Variants in ATXN1 observed in about 807,000 individuals in gnomAD.
ATXN1 encodes ataxin 1, also known as ataxin-1.
In ATXN1, 8 loss-of-function variants were observed where a neutral mutation model predicts 56.4. That is an observed-to-expected ratio of 0.14 (90% confidence interval 0.08 to 0.26). The LOEUF is 0.26. Ranked by LOEUF, ATXN1 falls within the 10% of genes least tolerant of loss-of-function variation. ATXN1 has a pLI of 1.00. For missense variants in ATXN1, 987 were observed against 1,106.5 expected (o/e 0.89, Z 1.53); for synonymous variants, 514 against 494.6 (o/e 1.04, Z -0.52).
intron 7 of ATXN1, among the ~76,000 whole-genome samples, chr6:16,316,312 G>A (rs1479116352): frequency 6.6e-6 from 1 of 152,184 alleles, no homozygotes; most frequent in African/African-American, 2.4e-5. Context: ...AGTCCCTGGT[G>A]CCAAAAGGGA....
At position 16,549,974 on chromosome 6, in the gene ATXN1, A is replaced by G. The variant is rs186947182; in HGVS notation, c.-360-27286T>C. Among the ~76,000 whole-genome samples, 9 of 147,970 alleles carry G rather than the reference A, an allele frequency of 6.1e-5. No individual in the cohort carries two copies. The East Asian group carries it at 1.8e-3, about 30-fold the overall frequency. The stretch of plus-strand genomic sequence containing the variant: ...GGAGTTGAAAAATGAGAACACATGG[A>G]CACAGGAAGGGGAACAACACACACC... On this transcript the variant is annotated intron_variant, in intron 4 of 7. Transcript: ENST00000436367.
intron 3 of ATXN1, among the ~76,000 whole-genome samples, chr6:16,623,706 C>T (rs1021413358): frequency 4.6e-5 from 7 of 152,172 alleles, no homozygotes; most frequent in African/African-American, 1.7e-4. Context: ...CCATTTAGTT[C>T]ATGGCATTTT....
chr6:16,362,398 C>G (rs1761827468), intron 6 of ATXN1, among the ~76,000 whole-genome samples: 1 of 152,154 alleles, frequency 6.6e-6, no homozygotes, highest in South Asian at 2.1e-4. Context: ...GAGAAGTCAC[C>G]TGGGTGTCGG....
At chr6:16,378,442 A>G (rs1453652988) in intron 6 of ATXN1, among the ~76,000 whole-genome samples, 2 of 152,244 alleles carry the variant, frequency 1.3e-5, no homozygotes, top group Non-Finnish European at 2.9e-5. Flanking sequence ...TCCCAGGAGC[A>G]CAGAATATGT....
intron 6 of ATXN1, among the ~76,000 whole-genome samples, chr6:16,445,647 G>A (rs1269621126): frequency 6.4e-4 from 97 of 150,618 alleles, no homozygotes; most frequent in African/African-American, 2.1e-3. Context: ...AGCATTAGGT[G>A]TATCTCCTAA....
chr6:16,396,099 T>C (rs1163253509), intron 6 of ATXN1, among the ~76,000 whole-genome samples: 1 of 150,510 alleles, frequency 6.6e-6, no homozygotes, highest in East Asian at 1.9e-4. Flanking sequence ...GAAGAAGGCA[T>C]TGTTATCATC....
At chr6:16,392,600 A>G (rs909627275) in intron 6 of ATXN1, among the ~76,000 whole-genome samples, 1 of 151,806 alleles carries the variant, frequency 6.6e-6, no homozygotes, top group Admixed American at 6.6e-5. Context: ...GGTTCAAGCG[A>G]TTCTCCTGCC....
chr6:16,564,324 CACTT>C (rs751479037), intron 4 of ATXN1, among the ~76,000 whole-genome samples: 4 of 147,038 alleles, frequency 2.7e-5, no homozygotes, highest in South Asian at 2.1e-4. Flanking sequence ...AAAAAAAAAT[CACTT>C]ACAATCTTAA....
intron 3 of ATXN1, among the ~76,000 whole-genome samples, chr6:16,639,751 T>C (rs1763673380): frequency 2.0e-5 from 3 of 152,268 alleles, no homozygotes; most frequent in Non-Finnish European, 4.4e-5. Flanking sequence ...CTTTTAATTG[T>C]GGCTCATTAA....
At chr6:16,672,375 T>C (rs766308396) in intron 2 of ATXN1, among the ~76,000 whole-genome samples, 1 of 152,248 alleles carries the variant, frequency 6.6e-6, no homozygotes, top group Non-Finnish European at 1.5e-5. Flanking sequence ...AACACTTCTT[T>C]TGCTACATCT....
At chr6:16,491,510 TG>T (rs1027616977) in intron 5 of ATXN1, among the ~76,000 whole-genome samples, 1 of 151,962 alleles carries the variant, frequency 6.6e-6, no homozygotes, top group South Asian at 2.1e-4. Context: ...CAAGACAGGC[TG>T]GTCTTGAACT....
intron 5 of ATXN1, among the ~76,000 whole-genome samples, chr6:16,491,289 T>A (rs371179105): frequency 0.69 from 86,663 of 126,084 alleles, 30,140 homozygotes; most frequent in East Asian, 0.97. Flanking sequence ...TTTTTTTTTT[T>A]TTTTTTTTTT....
At chr6:16,389,382 C>A (rs1758307713) in intron 6 of ATXN1, among the ~76,000 whole-genome samples, 1 of 151,672 alleles carries the variant, frequency 6.6e-6, no homozygotes, top group African/African-American at 2.4e-5. Flanking sequence ...ATGATAGCAT[C>A]CCTTGGTAGC....
At chr6:16,348,869 C>T (rs543374763) in intron 6 of ATXN1, among the ~76,000 whole-genome samples, 17 of 152,296 alleles carry the variant, frequency 1.1e-4, no homozygotes, top group Admixed American at 5.9e-4. Flanking sequence ...CTGCAGCAAA[C>T]AGCACAGGCC....
chr6:16,459,477 G>A lies in ATXN1; in HGVS notation c.-161+26495C>T, dbSNP rs1219100410. The stretch of plus-strand genomic sequence containing the variant: ...ATTCTAGGAGTACAAAAACTGAATC[G>A]TCAGTGGAGACTAGTGCAAGATCCT... On this transcript the variant is annotated intron_variant, in intron 6 of 7. Coordinates refer to ENST00000436367, the MANE Select transcript of ATXN1 (RefSeq NM_001128164.2). 3.3e-5 allele frequency among the ~76,000 whole-genome samples: 5 copies of A among 152,144 alleles called. No individual in the cohort carries two copies. In the East Asian group the frequency reaches 5.8e-4, roughly 18 times the overall value.
At chr6:16,723,835 T>C (rs1177005995) in intron 2 of ATXN1, among the ~76,000 whole-genome samples, 2 of 152,186 alleles carry the variant, frequency 1.3e-5, no homozygotes, top group African/African-American at 4.8e-5. Context: ...TAAATGTTTA[T>C]CACAGTGTAA....
At chr6:16,622,059 G>A (rs1581303238) in intron 3 of ATXN1, among the ~76,000 whole-genome samples, 4 of 152,326 alleles carry the variant, frequency 2.6e-5, no homozygotes, top group Admixed American at 2.6e-4. Flanking sequence ...TGATCAGTGA[G>A]CTTCTAGGTG....
At chr6:16,370,876 C>A (rs1299826879) in intron 6 of ATXN1, among the ~76,000 whole-genome samples, 2 of 152,106 alleles carry the variant, frequency 1.3e-5, no homozygotes, top group Non-Finnish European at 2.9e-5. Context: ...AAGCACTTGG[C>A]AAATGGTAAG....
chr6:16,347,955 TCA>T, intron 6 of ATXN1, among the ~76,000 whole-genome samples: 1 of 152,280 alleles, frequency 6.6e-6, no homozygotes, highest in Admixed American at 6.5e-5. Context: ...GCTATAACAC[TCA>T]CCGGAAAGGT....
Sources: allele counts gnomAD v4.1 joint callset (sites outside exome capture counted in the v4.1 genomes callset), GRCh38; gene constraint gnomAD v4.1.1; transcripts MANE v1.5; gene names NCBI Gene and HGNC (gene_info 2026-07-23, HGNC 2026-07-21).